Variants in BMPR2 observed in about 807,000 individuals in gnomAD.
BMPR2 encodes bone morphogenetic protein receptor type 2, also known as bone morphogenetic protein receptor type-2.
In BMPR2, 29 loss-of-function variants were observed where a neutral mutation model predicts 100.8. That is an observed-to-expected ratio of 0.29 (90% CI 0.21 to 0.39). The LOEUF (loss-of-function observed/expected upper bound fraction) is 0.39. Ranked by LOEUF, BMPR2 falls within the 10% of genes least tolerant of loss-of-function variation. The pLI, the probability that BMPR2 is intolerant of heterozygous loss-of-function variation, is 1.00. For synonymous variants in BMPR2, 382 were observed against 442.3 expected, an observed-to-expected ratio of 0.86 and a Z score of 1.71; for missense variants, 1,011 against 1,274.5, an observed-to-expected ratio of 0.79 and a Z score of 3.15.
intron 1 of BMPR2, among the ~76,000 whole-genome samples, chr2:202,457,277 T>A (rs566317148): frequency 6.6e-6 from 1 of 151,976 alleles, no homozygotes; most frequent in Non-Finnish European, 1.5e-5. Context: ...GGGTTTTGCA[T>A]ACTGTAGCTG....
In BMPR2 at chr2:202,548,462, C is replaced by CA. The variant is rs1323997914; in HGVS notation, c.1414-4244dup. 3.3e-3 allele frequency among the ~76,000 whole-genome samples: 477 copies of CA among 143,756 alleles called. 4 individuals are homozygous for CA. The highest frequency in any genetic ancestry group is 4.4e-3 in the Admixed American group (63 of 14,408). The allele number at this position is 143,756 out of a possible 152,430, so 94.3% of individuals were successfully genotyped here. Reference sequence around the variant, plus strand: ...TGGGCAACATAGTGAGACCCCATCTCAAAAAAAAAAGCAAAGTTTACATCA... The same window carrying CA: ...TGGGCAACATAGTGAGACCCCATCTCAAAAAAAAAAAGCAAAGTTTACATCA... On this transcript the variant is annotated intron_variant, in intron 10 of 12. Transcript: ENST00000374580.
At position 202,562,071 on chromosome 2, in the gene BMPR2, A is replaced by G. The variant is rs546159283; in HGVS notation, c.*2125A>G. 6.6e-6 allele frequency: 1 copy of G among 152,268 alleles called. No individual in the cohort carries two copies. The highest frequency in any genetic ancestry group is 1.5e-5 in the Non-Finnish European group (1 of 67,992). The allele number at this position is 152,268 out of a possible 1,614,324, so 9.4% of individuals were successfully genotyped here. On this transcript the variant is annotated 3_prime_UTR_variant, in exon 13 of 13. Coordinates refer to ENST00000374580, the MANE Select transcript of BMPR2 (RefSeq NM_001204.7). ...TCACTTAGTTCTCTTGCCCTTAAAT[A>G]TCTTTCACATGCATTTTAGGATATT...
intron 1 of BMPR2, among the ~76,000 whole-genome samples, chr2:202,413,196 T>G (rs533650506): frequency 1.8e-4 from 28 of 152,182 alleles, no homozygotes; most frequent in Non-Finnish European, 3.5e-4. Flanking sequence ...AGTGCCATAT[T>G]TTTCTCATTT....
intron 3 of BMPR2, among the ~76,000 whole-genome samples, chr2:202,502,729 C>A (rs953348721): frequency 3.3e-5 from 5 of 152,206 alleles, no homozygotes; most frequent in African/African-American, 1.2e-4. Flanking sequence ...GACTCTGCAC[C>A]TTCTTAGGGG....
At chr2:202,382,971 TG>T (rs1690333353) in intron 1 of BMPR2, among the ~76,000 whole-genome samples, 1 of 152,238 alleles carries the variant, frequency 6.6e-6, no homozygotes, top group Non-Finnish European at 1.5e-5. Context: ...TGAGAACTAC[TG>T]GATCTAAGAT....
intron 1 of BMPR2, among the ~76,000 whole-genome samples, chr2:202,452,715 A>C: frequency 6.6e-6 from 1 of 152,232 alleles, no homozygotes; most frequent in Non-Finnish European, 1.5e-5. Flanking sequence ...GTTGAATGCC[A>C]AGTATAATGC....
At chr2:202,553,792 G>A (rs1421788373) in intron 11 of BMPR2, among the ~76,000 whole-genome samples, 1 of 152,014 alleles carries the variant, frequency 6.6e-6, no homozygotes, top group Non-Finnish European at 1.5e-5. Context: ...AGGTTTAAGC[G>A]ATTCTCCTGC....
chr2:202,467,554 C>T lies in BMPR2; in HGVS notation c.283C>T (p.His95Tyr). Residue 95 changes from histidine (H) to tyrosine (Y), a missense_variant, in exon 3 of 13, where the codon CAC (histidine) becomes TAC (tyrosine). Physicochemically the swap from His to Tyr is moderately conservative, Grantham distance 83. This residue lies in a region of BMPR2 where 355 missense variants were observed against 455.3 expected (regional missense o/e 0.78). Transcript: ENST00000374580. ...TCACATTGGAGATCCCCAAGAGTGT[C>T]ACTATGAAGAATGTGTAGTAACTAC... ...WSHIGDPQEC[H>Y]YEECVVTTTP... The T allele has an allele frequency of 6.4e-7, 1 of 1,569,020 alleles. No homozygotes were observed.
intron 1 of BMPR2, among the ~76,000 whole-genome samples, chr2:202,384,288 A>G (rs922166383): frequency 6.6e-6 from 1 of 152,250 alleles, no homozygotes; most frequent in Non-Finnish European, 1.5e-5. Flanking sequence ...TTTAAAATAC[A>G]TTACCCAAAT....
At chr2:202,494,718 G>T (rs758799324) in intron 3 of BMPR2, among the ~76,000 whole-genome samples, 40 of 152,130 alleles carry the variant, frequency 2.6e-4, no homozygotes, top group African/African-American at 9.7e-4. Flanking sequence ...ATGTAAAAAG[G>T]TTTTTTTATT....
At position 202,520,081 on chromosome 2, in the gene BMPR2, A is replaced by G. The variant is rs372279211; in HGVS notation, c.853-6A>G. On this transcript the variant is annotated splice_polypyrimidine_tract_variant and splice_region_variant and intron_variant, in intron 6 of 12. Transcript: ENST00000374580. ...TTTTTTTTTTCGCATTTTTTCCTCT[A>G]TATAGGGATCTTTATGCAAGTATTT... The G allele has an allele frequency of 9.6e-6, 15 of 1,563,056 alleles. No homozygotes were observed. The African/African-American group carries it at 2.0e-4, about 21-fold the overall frequency.
At chr2:202,417,003 A>G (rs936697722) in intron 1 of BMPR2, among the ~76,000 whole-genome samples, 5 of 150,684 alleles carry the variant, frequency 3.3e-5, no homozygotes, top group African/African-American at 1.2e-4. Context: ...CGCCCGGCTA[A>G]TTTTTTGTGT....
intron 3 of BMPR2, among the ~76,000 whole-genome samples, chr2:202,476,749 A>G (rs1463491675): frequency 1.3e-5 from 2 of 152,194 alleles, no homozygotes; most frequent in African/African-American, 4.8e-5. Flanking sequence ...AGATTGCGCC[A>G]TTGCACTCCA....
intron 12 of BMPR2, 94 bp downstream of exon 12, chr2:202,556,625 G>A (rs1688577834): frequency 2.8e-6 from 4 of 1,407,370 alleles, no homozygotes; most frequent in Non-Finnish European, 3.9e-6. Flanking sequence ...TTCAACTAGT[G>A]ATTATTTACC....
chr2:202,403,429 A>C (rs1016693944), intron 1 of BMPR2, among the ~76,000 whole-genome samples: 3 of 150,546 alleles, frequency 2.0e-5, no homozygotes, highest in African/African-American at 2.4e-5. Context: ...TATTCTCTTG[A>C]CCTCGTGATC....
rs1388802183 is a variant in BMPR2 at position 202,511,795 on chromosome 2, C to T, written c.419-1924C>T. 2.0e-5 allele frequency among the ~76,000 whole-genome samples: 3 copies of T among 151,946 alleles called. No individual in the cohort carries two copies. The East Asian group carries it at 5.8e-4, about 29-fold the overall frequency. On this transcript the variant is annotated intron_variant, in intron 3 of 12. Transcript: ENST00000374580. ...GCACTTTGGGAGGCCAAAGTGGGCA[C>T]ATCAACTTGAGGCCAGGAGTTCAAG...
At chr2:202,465,122 A>C in intron 2 of BMPR2, 143 bp downstream of exon 2, 1 of 1,069,830 alleles carries the variant, frequency 9.3e-7, no homozygotes, top group Non-Finnish European at 1.4e-6. Context: ...GTGGTGGCTC[A>C]TGCCTGTAAT....
intron 1 of BMPR2, among the ~76,000 whole-genome samples, chr2:202,416,319 C>CA (rs1264013958): frequency 1.3e-5 from 2 of 151,200 alleles, no homozygotes; most frequent in African/African-American, 4.9e-5. Flanking sequence ...GGCTGGAGTG[C>CA]AATGGCGTGG....
intron 3 of BMPR2, among the ~76,000 whole-genome samples, chr2:202,508,258 A>G (rs1687563928): frequency 1.3e-5 from 2 of 151,208 alleles, no homozygotes; most frequent in African/African-American, 4.9e-5. Flanking sequence ...ACACCTGGCT[A>G]ATTTTTGTAT....
Sources: allele counts gnomAD v4.1 joint callset (sites outside exome capture counted in the v4.1 genomes callset), GRCh38; gene constraint gnomAD v4.1.1; regional missense constraint gnomAD v4.1.1; transcripts MANE v1.5; gene names NCBI Gene and HGNC (gene_info 2026-07-23, HGNC 2026-07-21).